The following MRAS variants were observed in gnomAD, a reference collection of about 807,000 sequenced individuals.
MRAS encodes muscle RAS oncogene homolog.
In MRAS, 4 loss-of-function variants were observed where a neutral mutation model predicts 20.9. That is an observed-to-expected ratio of 0.19 (90% CI 0.09 to 0.44). The LOEUF (loss-of-function observed/expected upper bound fraction) is 0.44, where lower values mean the gene tolerates loss of function less well. Ranked by LOEUF, MRAS falls within the 20% of genes least tolerant of loss-of-function variation. The pLI, the probability that MRAS is intolerant of heterozygous loss-of-function variation, is 0.99. For synonymous variants in MRAS, 98 were observed against 102.9 expected (o/e 0.95, Z 0.29); for missense variants, 154 against 277.5 (o/e 0.56, Z 3.16).
At chr3:138,384,856 G>A (rs1485968828) in intron 2 of MRAS, among the ~76,000 whole-genome samples, 1 of 152,188 alleles carries the variant, frequency 6.6e-6, no homozygotes, top group African/African-American at 2.4e-5. Flanking sequence ...TGAAGAAGGT[G>A]CTTCACAAAG....
chr3:138,395,999 G>C (rs1367646899), intron 2 of MRAS, among the ~76,000 whole-genome samples: 1 of 152,216 alleles, frequency 6.6e-6, no homozygotes, highest in Non-Finnish European at 1.5e-5. Flanking sequence ...TACATGGCTG[G>C]CCAGAAGTGT....
rs191547443 is a variant in MRAS at position 138,362,970 on chromosome 3, C to T, written c.-18-9896C>T. ...CGAGTGTCTCCTTGGCTTTTCATGC[C>T]TCCATGCATTACACTTTTGTCGCTT... On this transcript the variant is annotated intron_variant, in intron 1 of 5. Transcript: ENST00000423968. Among the ~76,000 whole-genome samples the T allele has an allele frequency of 9.2e-5, 14 of 152,226 alleles. 1 individual carries two copies. Among genetic ancestry groups the T allele is most frequent in the Admixed American group, 8.5e-4 (13 of 15,282 alleles).
chr3:138,398,461 T>C lies in MRAS; in HGVS notation c.348-8T>C. 2 of 1,613,554 alleles carry C rather than the reference T, an allele frequency of 1.2e-6. No homozygotes were observed. The highest frequency in any genetic ancestry group is 1.7e-6 in the Non-Finnish European group (2 of 1,179,462). ...ACCTCACAGAGCTGCTGTTCCTTTATTTCCCAGGGAGTCATTCCCGATGAT... is the reference window on the plus strand; with the variant it reads ...ACCTCACAGAGCTGCTGTTCCTTTACTTCCCAGGGAGTCATTCCCGATGAT... On this transcript the variant is annotated splice_region_variant and splice_polypyrimidine_tract_variant and intron_variant, in intron 3 of 5. Coordinates refer to ENST00000423968, the MANE Select transcript of MRAS (RefSeq NM_001085049.3).
At chr3:138,367,840 C>T (rs2054594903) in intron 1 of MRAS, among the ~76,000 whole-genome samples, 1 of 152,154 alleles carries the variant, frequency 6.6e-6, no homozygotes, top group South Asian at 2.1e-4. Flanking sequence ...GAAGGTTCTA[C>T]CTATGGGGAA....
chr3:138,402,280 G>T lies in MRAS; in HGVS notation c.*11G>T, dbSNP rs569173400. ...TGTGTGATCTTGTGACAGGCCTGAG[G>T]CCCTGGGCACAGTGACGGTGGCCTG... On this transcript the variant is annotated 3_prime_UTR_variant, in exon 6 of 6. Transcript: ENST00000423968. The T allele has an allele frequency of 1.9e-5, 30 of 1,612,532 alleles. No homozygotes were observed. The East Asian group carries it at 3.3e-4, about 18-fold the overall frequency.
At chr3:138,368,924 T>G (rs536676825) in intron 1 of MRAS, among the ~76,000 whole-genome samples, 1 of 152,118 alleles carries the variant, frequency 6.6e-6, no homozygotes, top group Non-Finnish European at 1.5e-5. Flanking sequence ...AACATGCCTA[T>G]CAAGATGAGA....
intron 4 of MRAS, chr3:138,400,232 G>T: frequency 3.6e-6 from 1 of 277,728 alleles, no homozygotes; most frequent in Non-Finnish European, 6.7e-6. Context: ...ATGTATTTTT[G>T]ATAAATGAAA....
At chr3:138,351,939 T>C (rs1243351520) in intron 1 of MRAS, among the ~76,000 whole-genome samples, 1 of 152,230 alleles carries the variant, frequency 6.6e-6, no homozygotes, top group Admixed American at 6.5e-5. Context: ...CCATCTCTGA[T>C]CTAAAGGCAC....
chr3:138,373,123 G>A lies in MRAS; in HGVS notation c.193+47G>A, dbSNP rs769349827. 4 of 1,364,922 alleles carry A rather than the reference G, an allele frequency of 2.9e-6. No homozygotes were observed. The South Asian group carries it at 7.6e-5, about 26-fold the overall frequency. The allele number at this position is 1,364,922 out of a possible 1,614,324, so 84.6% of individuals were successfully genotyped here. A position where few individuals can be genotyped will look rare whatever the true frequency, so the allele number is the denominator to read the frequency against. On this transcript the variant is annotated intron_variant, in intron 2 of 5. Transcript: ENST00000423968. ...TGCATTGGGTGGGATAGTAGATGGG[G>A]AGGATCAGGGAAATTTGACAGGTTT...
chr3:138,391,388 A>G (rs1258795181), intron 2 of MRAS, among the ~76,000 whole-genome samples: 3 of 152,186 alleles, frequency 2.0e-5, no homozygotes, highest in Non-Finnish European at 4.4e-5. Context: ...TCAGGTGGCT[A>G]GATTCTCTTA....
intron 1 of MRAS, chr3:138,350,046 G>C (rs902900834): frequency 3.3e-5 from 5 of 152,188 alleles, no homozygotes; most frequent in Admixed American, 6.5e-5. Flanking sequence ...CTGTGTTAGA[G>C]TTTTGTAATA....
In MRAS at chr3:138,388,436, C is replaced by T. The variant is rs187391244; in HGVS notation, c.194-8888C>T. Among the ~76,000 whole-genome samples the T allele has an allele frequency of 4.6e-5, 7 of 152,316 alleles. No individual in the cohort carries two copies. The East Asian group carries it at 7.7e-4, about 17-fold the overall frequency. On this transcript the variant is annotated intron_variant, in intron 2 of 5. Coordinates refer to ENST00000423968, the MANE Select transcript of MRAS (RefSeq NM_001085049.3). ...GCATGGGGCTGGGCACAGTGGCTCACGCCTGTAATCCTTGCACTTTGGGAG... is the reference window on the plus strand; with the variant it reads ...GCATGGGGCTGGGCACAGTGGCTCATGCCTGTAATCCTTGCACTTTGGGAG...
rs1174856458 is a variant in MRAS, at chr3:138,365,754, C to T, written c.-18-7112C>T. Among the ~76,000 whole-genome samples, 10 of 152,324 alleles carry T rather than the reference C, an allele frequency of 6.6e-5. No homozygotes were observed. The South Asian group carries it at 1.9e-3, about 28-fold the overall frequency. On this transcript the variant is annotated intron_variant, in intron 1 of 5. Transcript: ENST00000423968. ...CTGGGGCAGCAAACAGATTTTCTCTCTGGAGCAGTCACTGTGTTCTGCTGC... is the reference window on the plus strand; with the variant it reads ...CTGGGGCAGCAAACAGATTTTCTCTTTGGAGCAGTCACTGTGTTCTGCTGC...
At chr3:138,395,554 G>T (rs562673025) in intron 2 of MRAS, among the ~76,000 whole-genome samples, 1 of 152,028 alleles carries the variant, frequency 6.6e-6, no homozygotes, top group Non-Finnish European at 1.5e-5. Flanking sequence ...GCTAGGCCAC[G>T]TGGCTCCCTC....
At chr3:138,379,175 C>G (rs114168401) in intron 2 of MRAS, among the ~76,000 whole-genome samples, 1,698 of 152,132 alleles carry the variant, frequency 0.011, 32 homozygotes, top group African/African-American at 0.038. Context: ...CTTCATCCCC[C>G]CACCCACACA....
chr3:138,362,452 A>G (rs1401840698), intron 1 of MRAS, among the ~76,000 whole-genome samples: 1 of 151,954 alleles, frequency 6.6e-6, no homozygotes. Context: ...CCGTGACCCT[A>G]TTCCCATCCC....
chr3:138,387,772 C>T (rs958039194), intron 2 of MRAS, among the ~76,000 whole-genome samples: 3 of 152,172 alleles, frequency 2.0e-5, no homozygotes, highest in African/African-American at 7.2e-5. Flanking sequence ...GTTCTAGGTT[C>T]CTCTAAGAAT....
At chr3:138,364,423 C>G (rs773600098) in intron 1 of MRAS, among the ~76,000 whole-genome samples, 21 of 152,246 alleles carry the variant, frequency 1.4e-4, no homozygotes, top group Admixed American at 5.9e-4. Context: ...CACCATGAGG[C>G]AGATTCTGCC....
chr3:138,363,481 T>A (rs2054492752), intron 1 of MRAS, among the ~76,000 whole-genome samples: 1 of 152,164 alleles, frequency 6.6e-6, no homozygotes, highest in African/African-American at 2.4e-5. Context: ...ACTCCTGTGC[T>A]CCTGCATTAC....
Sources: gnomAD v4.1 joint callset for allele counts (sites outside exome capture counted in the v4.1 genomes callset) on GRCh38, gnomAD v4.1.1 for gene constraint, MANE v1.5 for transcripts, NCBI Gene and HGNC (gene_info 2026-07-23, HGNC 2026-07-21) for gene names.